LONP2: variants seen among roughly 807,000 people sequenced by gnomAD.
The protein encoded by LONP2 is lon protease homolog 2, peroxisomal.
Under a neutral mutation model 85.6 loss-of-function variants are expected in LONP2, and 60 were observed. The ratio of observed to expected loss-of-function variants is 0.70; its 90% CI spans 0.57 to 0.87. The LOEUF (loss-of-function observed/expected upper bound fraction) is 0.87, where lower values mean the gene tolerates loss of function less well. LONP2 is among the 40% of genes least tolerant of loss of function. The probability of loss-of-function intolerance (pLI) is 0.00; values close to 1 mark genes in which losing one functional copy is unlikely to be tolerated. For missense variants in LONP2, 860 were observed against 1,063.5 expected (o/e 0.81, Z 2.66); for synonymous variants, 395 against 389.7 (o/e 1.01, Z -0.16).
intron 14 of LONP2, among the ~76,000 whole-genome samples, chr16:48,350,380 C>T (rs1024825664): frequency 7.2e-6 from 1 of 138,962 alleles, no homozygotes; most frequent in Non-Finnish European, 1.6e-5. Flanking sequence ...CAGAGTAAGA[C>T]TGTCTCAAAA....
At chr16:48,269,917 A>G (rs1391390983) in intron 6 of LONP2, 99 bp from the exon 7 acceptor site, 13 of 1,265,516 alleles carry the variant, frequency 1.0e-5, no homozygotes, top group African/African-American at 1.5e-5. Flanking sequence ...TATCACATCT[A>G]TTTTCAAAAA....
At chr16:48,267,328 C>G (rs369307291) in intron 6 of LONP2, among the ~76,000 whole-genome samples, 4 of 152,110 alleles carry the variant, frequency 2.6e-5, no homozygotes, top group East Asian at 1.9e-4. Context: ...GAGATGGAGT[C>G]TCGCTCTGTC....
At chr16:48,277,240 TA>T (rs1972227226) in intron 7 of LONP2, 97 bp from the exon 8 acceptor site, 1 of 1,182,710 alleles carries the variant, frequency 8.5e-7, no homozygotes, top group Non-Finnish European at 1.2e-6. Context: ...TAGTGATAGC[TA>T]AATGATCTTT....
chr16:48,263,624 T>C (rs1971923249), intron 6 of LONP2, among the ~76,000 whole-genome samples: 1 of 152,244 alleles, frequency 6.6e-6, no homozygotes, highest in Non-Finnish European at 1.5e-5. Context: ...ATTTCAGTTA[T>C]TTCCGTATCT....
chr16:48,314,705 C>T (rs1973105392), intron 11 of LONP2, among the ~76,000 whole-genome samples: 1 of 152,158 alleles, frequency 6.6e-6, no homozygotes, highest in Non-Finnish European at 1.5e-5. Context: ...TGATCATTTT[C>T]TGTGGCACAC....
At chr16:48,268,874 A>G (rs1972044898) in intron 6 of LONP2, among the ~76,000 whole-genome samples, 1 of 152,080 alleles carries the variant, frequency 6.6e-6, no homozygotes, top group Non-Finnish European at 1.5e-5. Flanking sequence ...TTTTTCCTTT[A>G]TGAAATATCC....
intron 8 of LONP2, among the ~76,000 whole-genome samples, chr16:48,293,692 T>A (rs868171949): frequency 6.6e-6 from 1 of 152,076 alleles, no homozygotes; most frequent in South Asian, 2.1e-4. Context: ...GAAAAGATAC[T>A]GGGTTAGAAG....
At chr16:48,265,158 A>C (rs1320403446) in intron 6 of LONP2, among the ~76,000 whole-genome samples, 1 of 152,184 alleles carries the variant, frequency 6.6e-6, no homozygotes, top group African/African-American at 2.4e-5. Context: ...TTCTGCTGTT[A>C]CATAGGTTGC....
At chr16:48,244,795 T>C (rs933585544) in intron 1 of LONP2, among the ~76,000 whole-genome samples, 174 bp downstream of exon 1, 6 of 152,218 alleles carry the variant, frequency 3.9e-5, no homozygotes, top group African/African-American at 1.4e-4. Flanking sequence ...ACCTGCCCCA[T>C]GACCATGAAT....
intron 4 of LONP2, among the ~76,000 whole-genome samples, chr16:48,260,739 G>C (rs1316626112): frequency 1.3e-5 from 2 of 152,222 alleles, no homozygotes; most frequent in African/African-American, 4.8e-5. Flanking sequence ...GAATACAAAG[G>C]CCATTTGACT....
intron 8 of LONP2, among the ~76,000 whole-genome samples, chr16:48,282,272 A>G (rs149575579): frequency 0.012 from 1,855 of 152,070 alleles, 39 homozygotes; most frequent in African/African-American, 0.042. Context: ...TTAGCTGGGC[A>G]TGGTCGTGCA....
chr16:48,341,213 T>A (rs1567351036), intron 12 of LONP2, among the ~76,000 whole-genome samples: 2 of 152,116 alleles, frequency 1.3e-5, no homozygotes. Context: ...GGCAGAAGAA[T>A]CACTTGAACC....
At chr16:48,260,047 G>A (rs930488440) in intron 4 of LONP2, among the ~76,000 whole-genome samples, 1 of 152,106 alleles carries the variant, frequency 6.6e-6, no homozygotes, top group African/African-American at 2.4e-5. Flanking sequence ...TAGCAGTCAG[G>A]AAGGAAAAAT....
At chr16:48,289,004 A>G (rs1186319656) in intron 8 of LONP2, among the ~76,000 whole-genome samples, 1 of 152,172 alleles carries the variant, frequency 6.6e-6, no homozygotes, top group Non-Finnish European at 1.5e-5. Context: ...AATTGTTTTT[A>G]CTTCATAATA....
intron 8 of LONP2, among the ~76,000 whole-genome samples, chr16:48,293,976 G>A (rs1567327171): frequency 1.3e-5 from 2 of 152,116 alleles, no homozygotes; most frequent in Admixed American, 6.6e-5. Flanking sequence ...TCACTCTGTC[G>A]CCCACGCTGG....
At chr16:48,279,576 A>C (rs74016390) in intron 8 of LONP2, among the ~76,000 whole-genome samples, 2,080 of 151,888 alleles carry the variant, frequency 0.014, 48 homozygotes, top group African/African-American at 0.047. Context: ...ATATGTTCTT[A>C]TCAGCTGTGC....
rs752385068 is a variant in LONP2 at position 48,262,885 on chromosome 16, A to G, written c.982+13A>G. 27 of 1,535,796 alleles carry G rather than the reference A, an allele frequency of 1.8e-5. No individual in the cohort carries two copies. Among genetic ancestry groups the G allele is most frequent in the Admixed American group, 6.9e-5 (4 of 57,800 alleles). ...AAAAGTACAACTGGTAAGCCAAAAAATAACACCTGTTTTGCAGTCTAATTG... is the reference window on the plus strand; with the variant it reads ...AAAAGTACAACTGGTAAGCCAAAAAGTAACACCTGTTTTGCAGTCTAATTG... On this transcript the variant is annotated intron_variant, in intron 6 of 14. Coordinates refer to ENST00000285737, the MANE Select transcript of LONP2 (RefSeq NM_031490.5).
chr16:48,315,835 T>C (rs1364588580), intron 11 of LONP2, among the ~76,000 whole-genome samples: 1 of 152,058 alleles, frequency 6.6e-6, no homozygotes, highest in Non-Finnish European at 1.5e-5. Flanking sequence ...TTTTTTTTGT[T>C]TGTTAATTTT....
intron 11 of LONP2, among the ~76,000 whole-genome samples, chr16:48,327,524 C>G (rs1421679478): frequency 1.3e-5 from 2 of 152,134 alleles, no homozygotes; most frequent in Non-Finnish European, 2.9e-5. Flanking sequence ...GTGGCATGAT[C>G]TCGGCTCACT....
Sources: allele counts gnomAD v4.1 joint callset (sites outside exome capture counted in the v4.1 genomes callset), GRCh38; gene constraint gnomAD v4.1.1; transcripts MANE v1.5; gene names NCBI Gene and HGNC (gene_info 2026-07-23, HGNC 2026-07-21).